Variants in AGBL1 observed in about 807,000 individuals in gnomAD.
AGBL1 encodes cytosolic carboxypeptidase 4.
Under a neutral mutation model 118.9 loss-of-function variants are expected in AGBL1, and 130 were observed. That is an observed-to-expected ratio of 1.09 (90% CI 0.95 to 1.26). The LOEUF is 1.26. AGBL1 is among the 50% of genes most tolerant of loss of function. The pLI is 0.00. For synonymous variants in AGBL1, 555 were observed against 478.9 expected (o/e 1.16, Z -2.08); for missense variants, 1,584 against 1,298.1 (o/e 1.22, Z -3.38).
chr15:86,654,243 C>T (rs2085425406), intron 21 of AGBL1, among the ~76,000 whole-genome samples: 1 of 152,132 alleles, frequency 6.6e-6, no homozygotes, highest in Non-Finnish European at 1.5e-5. Context: ...TTTATAATCT[C>T]TACTCCTCCC....
chr15:86,493,508 A>C (rs947272297), intron 18 of AGBL1, among the ~76,000 whole-genome samples: 1 of 152,046 alleles, frequency 6.6e-6, no homozygotes, highest in Non-Finnish European at 1.5e-5. Context: ...TTTACAGAGA[A>C]GGACAACCTT....
intron 22 of AGBL1, among the ~76,000 whole-genome samples, chr15:86,839,941 G>A (rs1429472125): frequency 6.6e-6 from 1 of 152,136 alleles, no homozygotes; most frequent in Non-Finnish European, 1.5e-5. Context: ...AATTTTTTAT[G>A]CATATCTACC....
At chr15:86,558,982 T>C (rs776327938) in intron 21 of AGBL1, among the ~76,000 whole-genome samples, 19 of 152,220 alleles carry the variant, frequency 1.2e-4, no homozygotes, top group Non-Finnish European at 2.5e-4. Flanking sequence ...AGTGTTATGT[T>C]CTCTCTAAAG....
chr15:86,545,030 T>A (rs1425822070), intron 19 of AGBL1, among the ~76,000 whole-genome samples: 1 of 152,168 alleles, frequency 6.6e-6, no homozygotes, highest in Non-Finnish European at 1.5e-5. Flanking sequence ...CTGATAAAAT[T>A]GGTTATGTGA....
At chr15:86,112,768 G>A (rs1897475557) in intron 1 of AGBL1, among the ~76,000 whole-genome samples, 1 of 152,138 alleles carries the variant, frequency 6.6e-6, no homozygotes, top group South Asian at 2.1e-4. Flanking sequence ...TTTTTATCAG[G>A]CTTTTAAATC....
chr15:86,533,572 G>A (rs2083379901), intron 19 of AGBL1, among the ~76,000 whole-genome samples: 1 of 136,944 alleles, frequency 7.3e-6, no homozygotes, highest in Non-Finnish European at 1.5e-5. Context: ...CAGGGATCTA[G>A]AACTAGAAAT....
chr15:86,147,480 T>G (rs996059128), intron 3 of AGBL1, among the ~76,000 whole-genome samples: 1 of 152,168 alleles, frequency 6.6e-6, no homozygotes, highest in Non-Finnish European at 1.5e-5. Flanking sequence ...GCTTGGCAGG[T>G]CCCACACCCA....
At chr15:86,708,363 G>A (rs943148382) in intron 22 of AGBL1, among the ~76,000 whole-genome samples, 3 of 152,076 alleles carry the variant, frequency 2.0e-5, no homozygotes, top group Non-Finnish European at 2.9e-5. Context: ...AAGGAGAAAG[G>A]CCATATGAGG....
chr15:86,176,331 C>T (rs1391014545), intron 5 of AGBL1, among the ~76,000 whole-genome samples: 1 of 152,146 alleles, frequency 6.6e-6, no homozygotes, highest in African/African-American at 2.4e-5. Flanking sequence ...TCTTCAGGCC[C>T]CAGGAAGGCT....
chr15:86,776,750 A>ATATGTGTGTGTG, intron 22 of AGBL1, among the ~76,000 whole-genome samples: 1 of 139,732 alleles, frequency 7.2e-6, no homozygotes, highest in Admixed American at 7.3e-5. Flanking sequence ...ATATATATAT[A>ATATGTGTGTGTG]TGTGTGTGTG....
chr15:86,539,450 C>G (rs1160576024), intron 19 of AGBL1, among the ~76,000 whole-genome samples: 1 of 152,166 alleles, frequency 6.6e-6, no homozygotes, highest in Non-Finnish European at 1.5e-5. Flanking sequence ...TCAGTCCCTC[C>G]CATCTTAACA....
At chr15:86,871,054 T>C (rs1216091368) in intron 22 of AGBL1, among the ~76,000 whole-genome samples, 1 of 152,196 alleles carries the variant, frequency 6.6e-6, no homozygotes, top group Non-Finnish European at 1.5e-5. Flanking sequence ...ACATGATGCC[T>C]TCCTGTTGGA....
At chr15:86,446,151 G>C (rs1263098310) in intron 18 of AGBL1, among the ~76,000 whole-genome samples, 1 of 152,198 alleles carries the variant, frequency 6.6e-6, no homozygotes, top group Non-Finnish European at 1.5e-5. Context: ...AAGAGGATGA[G>C]CTAAAGTGAG....
intron 21 of AGBL1, among the ~76,000 whole-genome samples, chr15:86,567,220 A>T (rs1049481256): frequency 1.3e-5 from 2 of 152,226 alleles, no homozygotes; most frequent in Non-Finnish European, 2.9e-5. Context: ...AGCTTTTATG[A>T]AGTGTAATAT....
At chr15:86,383,686 A>C (rs2081144284) in intron 17 of AGBL1, among the ~76,000 whole-genome samples, 1 of 152,290 alleles carries the variant, frequency 6.6e-6, no homozygotes, top group East Asian at 1.9e-4. Flanking sequence ...CTGACGTGTA[A>C]GGGCATCCTG....
At chr15:86,149,640 G>T (rs2077080226) in intron 3 of AGBL1, among the ~76,000 whole-genome samples, 1 of 152,110 alleles carries the variant, frequency 6.6e-6, no homozygotes, top group Non-Finnish European at 1.5e-5. Flanking sequence ...AGTCCTTAGA[G>T]ACCTACAAGA....
intron 22 of AGBL1, among the ~76,000 whole-genome samples, chr15:86,833,598 G>T (rs999039790): frequency 2.0e-5 from 3 of 152,046 alleles, no homozygotes; most frequent in Admixed American, 6.6e-5. Flanking sequence ...CCAGTTTCAG[G>T]TATGTCTTTA....
intron 1 of AGBL1, among the ~76,000 whole-genome samples, chr15:86,101,217 G>A (rs942798253): frequency 4.6e-5 from 7 of 152,016 alleles, no homozygotes; most frequent in East Asian, 1.9e-4. Context: ...ATTGTAGTCC[G>A]AGAAGATACT....
intron 21 of AGBL1, among the ~76,000 whole-genome samples, chr15:86,669,920 T>A (rs758109127): frequency 6.6e-6 from 1 of 152,156 alleles, no homozygotes; most frequent in African/African-American, 2.4e-5. Flanking sequence ...ACTGCCTGCT[T>A]TGTACCTTGA....
Sources: allele counts gnomAD v4.1 joint callset (sites outside exome capture counted in the v4.1 genomes callset), GRCh38; gene constraint gnomAD v4.1.1; transcripts MANE v1.5; gene names NCBI Gene and HGNC (gene_info 2026-07-23, HGNC 2026-07-21).